USH2A: variants seen among roughly 807,000 people sequenced by gnomAD.
The protein encoded by USH2A is Usher syndrome 2A (autosomal recessive, mild).
Under a neutral mutation model 538.9 loss-of-function variants are expected in USH2A, and 443 were observed. The ratio of observed to expected loss-of-function variants is 0.82; its 90% CI spans 0.76 to 0.89. USH2A has a LOEUF of 0.89. Ranked by LOEUF, USH2A falls within the 40% of genes least tolerant of loss-of-function variation. USH2A has a pLI of 0.00. For synonymous variants in USH2A, 2,413 were observed against 2,273.5 expected, an observed-to-expected ratio of 1.06 and a Z score of -1.75; for missense variants, 6,633 against 6,324.8, an observed-to-expected ratio of 1.05 and a Z score of -1.65.
chr1:216,044,183 C>T (rs978729997), intron 32 of USH2A, among the ~76,000 whole-genome samples: 6 of 152,030 alleles, frequency 3.9e-5, no homozygotes, highest in Non-Finnish European at 5.9e-5. Flanking sequence ...CAAAAAGCAG[C>T]GATGTAATAT....
intron 61 of USH2A, among the ~76,000 whole-genome samples, chr1:215,701,867 A>C (rs1358493065): frequency 6.6e-6 from 1 of 152,154 alleles, no homozygotes. Context: ...TTATGATGCT[A>C]GCTGGTTATT....
intron 61 of USH2A, among the ~76,000 whole-genome samples, chr1:215,690,100 G>T (rs974961208): frequency 6.6e-6 from 1 of 152,190 alleles, no homozygotes; most frequent in Non-Finnish European, 1.5e-5. Flanking sequence ...AATAGACACA[G>T]AGGTGCAAGT....
intron 35 of USH2A, among the ~76,000 whole-genome samples, chr1:215,991,405 C>T (rs985718981): frequency 1.3e-5 from 2 of 151,910 alleles, no homozygotes; most frequent in African/African-American, 2.4e-5. Context: ...TTATCCCTCT[C>T]TAGACAATCA....
At chr1:215,742,449 T>C (rs1660332942) in intron 59 of USH2A, among the ~76,000 whole-genome samples, 1 of 142,736 alleles carries the variant, frequency 7.0e-6, no homozygotes, top group Non-Finnish European at 1.5e-5. Flanking sequence ...ATATATGATA[T>C]ACACATATAT....
intron 21 of USH2A, among the ~76,000 whole-genome samples, chr1:216,156,093 C>T (rs1161801636): frequency 6.6e-6 from 1 of 151,824 alleles, no homozygotes; most frequent in African/African-American, 2.4e-5. Flanking sequence ...ATGATCTGGC[C>T]CCTTTTTTAT....
At chr1:216,376,714 G>A (rs1245064650) in intron 3 of USH2A, among the ~76,000 whole-genome samples, 1 of 152,096 alleles carries the variant, frequency 6.6e-6, no homozygotes, top group Admixed American at 6.6e-5. Flanking sequence ...CAAGAGATGT[G>A]AACTCACTGC....
chr1:216,284,403 C>T (rs1368645335), intron 11 of USH2A, among the ~76,000 whole-genome samples: 1 of 152,128 alleles, frequency 6.6e-6, no homozygotes, highest in East Asian at 1.9e-4. Flanking sequence ...GGCACTTCTC[C>T]TTGCTGTCAC....
At chr1:215,924,945 C>G (rs1377765157) in intron 38 of USH2A, among the ~76,000 whole-genome samples, 6 of 152,038 alleles carry the variant, frequency 3.9e-5, no homozygotes, top group Non-Finnish European at 8.8e-5. Context: ...AAGCACACTT[C>G]AAAGTTTCCT....
chr1:215,789,615 A>T (rs1661920755), intron 51 of USH2A, among the ~76,000 whole-genome samples: 1 of 152,196 alleles, frequency 6.6e-6, no homozygotes. Context: ...AGGGAATATG[A>T]TATAAATGCA....
At chr1:215,639,376 A>G in intron 68 of USH2A, 138 bp from the exon 69 acceptor site, 1 of 792,066 alleles carries the variant, frequency 1.3e-6, no homozygotes, top group Non-Finnish European at 2.1e-6. Context: ...ATAATATTCA[A>G]AATTACTTCT....
rs1160618356 is a variant in USH2A, at chr1:215,901,136, A to T, written c.7301-231T>A. The T allele has an allele frequency of 5.4e-6, 3 of 556,508 alleles. No individual in the cohort carries two copies. The African/African-American group carries it at 5.7e-5, about 10-fold the overall frequency. 34.5% of individuals were successfully genotyped at this position (556,508 alleles called of 1,614,324 possible). ...CTTAAAAGCCGGCCCCCAAACAGCA[A>T]GACAAATGAATATGCAGCACATTCC... On this transcript the variant is annotated intron_variant, in intron 38 of 71. Transcript: ENST00000307340.
intron 10 of USH2A, 59 bp from the exon 11 acceptor site, chr1:216,289,469 T>G: frequency 6.2e-7 from 1 of 1,609,834 alleles, no homozygotes; most frequent in Non-Finnish European, 8.5e-7. Context: ...AGCTGCATAA[T>G]TCAAAATTAA....
chr1:216,419,448 A>G (rs1233685833), intron 2 of USH2A, among the ~76,000 whole-genome samples: 3 of 152,112 alleles, frequency 2.0e-5, no homozygotes, highest in Non-Finnish European at 4.4e-5. Context: ...TTAGAGTGAC[A>G]CACCTTTCAG....
chr1:215,864,889 C>T (rs1664430860), intron 44 of USH2A, among the ~76,000 whole-genome samples: 1 of 152,008 alleles, frequency 6.6e-6, no homozygotes, highest in Non-Finnish European at 1.5e-5. Flanking sequence ...AAACATTTTG[C>T]TACCAAAATG....
chr1:216,209,886 T>C (rs1427924495), intron 15 of USH2A, among the ~76,000 whole-genome samples: 4 of 152,182 alleles, frequency 2.6e-5, no homozygotes, highest in African/African-American at 9.6e-5. Context: ...TCTGTCTCTG[T>C]TCTGTTCTGC....
intron 21 of USH2A, among the ~76,000 whole-genome samples, chr1:216,133,136 T>A (rs2033411670): frequency 6.6e-6 from 1 of 152,136 alleles, no homozygotes; most frequent in South Asian, 2.1e-4. Flanking sequence ...TTTATTTGCA[T>A]ACTGAATATT....
chr1:216,203,454 A>T (rs916607642), intron 16 of USH2A, among the ~76,000 whole-genome samples: 4 of 152,090 alleles, frequency 2.6e-5, no homozygotes, highest in Non-Finnish European at 5.9e-5. Context: ...ATCTTATTGT[A>T]CTGTAGACTC....
At chr1:216,193,694 C>G (rs1258630833) in intron 19 of USH2A, among the ~76,000 whole-genome samples, 1 of 152,002 alleles carries the variant, frequency 6.6e-6, no homozygotes, top group African/African-American at 2.4e-5. Context: ...CTTGTGAAGA[C>G]AGAGGCAGCA....
chr1:215,960,183 T>C lies in USH2A; in HGVS notation c.7120+5134A>G, dbSNP rs1485662987. ...TTATATTTGTAGCTGAGAATACTTT[T>C]GAAGCTCTGTAAAATAATGATGTAA... On this transcript the variant is annotated intron_variant, in intron 37 of 71. Coordinates refer to ENST00000307340, the MANE Select transcript of USH2A (RefSeq NM_206933.4). 2.6e-5 allele frequency among the ~76,000 whole-genome samples: 4 copies of C among 152,256 alleles called. No individual in the cohort carries two copies. In the East Asian group the frequency reaches 5.8e-4, roughly 22 times the overall value.
Sources: allele counts gnomAD v4.1 joint callset (sites outside exome capture counted in the v4.1 genomes callset), GRCh38; gene constraint gnomAD v4.1.1; transcripts MANE v1.5; gene names NCBI Gene and HGNC (gene_info 2026-07-23, HGNC 2026-07-21).